TTL: variants seen among roughly 807,000 people sequenced by gnomAD.
TTL encodes the protein tubulin tyrosine ligase.
Under a neutral mutation model 41.1 loss-of-function variants are expected in TTL, and 10 were observed. That is an observed-to-expected ratio of 0.24 (90% CI 0.15 to 0.41). TTL has a LOEUF of 0.41. Among genes scored for constraint, TTL ranks in the 10% least tolerant of loss-of-function variants. The pLI is 1.00. For synonymous variants in TTL, 175 were observed against 175.5 expected (o/e 1.00, Z 0.02); for missense variants, 367 against 460.4 (o/e 0.80, Z 1.86).
intron 1 of TTL, chr2:112,483,358 C>T (rs999350531): frequency 2.6e-5 from 4 of 152,234 alleles, no homozygotes; most frequent in Non-Finnish European, 4.4e-5. Context: ...CAACTCACAT[C>T]CTATTGACCT....
At chr2:112,513,696 T>C (rs1404406572) in intron 5 of TTL, among the ~76,000 whole-genome samples, 10 of 150,702 alleles carry the variant, frequency 6.6e-5, no homozygotes, top group Non-Finnish European at 1.5e-4. Context: ...AATGCAAAAA[T>C]ACAAGCTATA....
At chr2:112,494,460 AATC>A in intron 3 of TTL, 85 bp downstream of exon 3, 2 of 1,078,598 alleles carry the variant, frequency 1.9e-6, no homozygotes, top group Non-Finnish European at 2.7e-6. Flanking sequence ...TTTTAATCTG[AATC>A]ATCGAAGGTT....
Position 112,536,057 on chromosome 2 carries a change from C to T in TTL, c.*7262C>T, listed in dbSNP as rs1407067809. ...CACTTCACATAACGATCTTCAGTTC[C>T]ATCCATGTTGTTGGAAGTGACAGGA... is the stretch of plus-strand genomic sequence containing the variant. On this transcript the variant is annotated 3_prime_UTR_variant, in exon 7 of 7. Transcript: ENST00000233336. 1 of 152,182 alleles carries T rather than the reference C, an allele frequency of 6.6e-6. No homozygotes were observed. The highest frequency in any genetic ancestry group is 1.5e-5 in the Non-Finnish European group (1 of 68,048). 9.4% of individuals were successfully genotyped at this position (152,182 alleles called of 1,614,324 possible).
chr2:112,525,110 A>G (rs1214600398), intron 6 of TTL, among the ~76,000 whole-genome samples: 1 of 151,992 alleles, frequency 6.6e-6, no homozygotes. Context: ...TAGATGTGTG[A>G]CATTATTTCT....
chr2:112,513,322 T>C (rs1027218032), intron 5 of TTL, among the ~76,000 whole-genome samples: 17 of 152,028 alleles, frequency 1.1e-4, no homozygotes, highest in Admixed American at 1.3e-4. Flanking sequence ...ACTACTTTTG[T>C]TTTTCCTTCA....
intron 3 of TTL, among the ~76,000 whole-genome samples, chr2:112,500,370 A>C (rs1681656536): frequency 6.6e-6 from 1 of 152,112 alleles, no homozygotes; most frequent in Non-Finnish European, 1.5e-5. Flanking sequence ...CAGAAGACCA[A>C]GACCATCCTG....
intron 4 of TTL, 114 bp from the exon 5 acceptor site, chr2:112,502,798 T>A: frequency 8.9e-7 from 1 of 1,120,636 alleles, no homozygotes; most frequent in Non-Finnish European, 1.3e-6. Context: ...CTTCCCTAGT[T>A]GCCTCCCACT....
rs1682697359 is a variant in TTL, at chr2:112,540,494, AAAT to A, written c.*11701_*11703del. The A allele has an allele frequency of 6.6e-6, 1 of 152,208 alleles. No individual in the cohort carries two copies. Among genetic ancestry groups the A allele is most frequent in the African/African-American group, 2.4e-5 (1 of 41,450 alleles). 9.4% of individuals were successfully genotyped at this position (152,208 alleles called of 1,614,324 possible). ...TAAGCTGACGCTAAAATCCATATTG[AAAT>A]ACAAAGGATCAAATAAATCTGGAGA... On this transcript the variant is annotated 3_prime_UTR_variant, in exon 7 of 7. Coordinates refer to ENST00000233336, the MANE Select transcript of TTL (RefSeq NM_153712.5).
In TTL at chr2:112,529,050, G is replaced by A. The variant is rs540774000; in HGVS notation, c.*255G>A. On this transcript the variant is annotated 3_prime_UTR_variant, in exon 7 of 7. Coordinates refer to ENST00000233336, the MANE Select transcript of TTL (RefSeq NM_153712.5). ...CTTTGGTACACAAAGGCAGCTTTGT[G>A]AGCAGAGCTCCTTCCCCTCTCCCCG... is the stretch of plus-strand genomic sequence containing the variant. 3 of 532,014 alleles carry A rather than the reference G, an allele frequency of 5.6e-6. No homozygotes were observed. In the South Asian group the frequency reaches 6.8e-5, roughly 12 times the overall value. 33.0% of individuals were successfully genotyped at this position (532,014 alleles called of 1,614,324 possible).
Position 112,482,247 on chromosome 2 carries a change from C to G in TTL, c.-98C>G. The G allele has an allele frequency of 3.3e-6, 3 of 908,220 alleles. No individual in the cohort carries two copies. Among genetic ancestry groups the G allele is most frequent in the Non-Finnish European group, 3.9e-6 (3 of 762,728 alleles). The allele number at this position is 908,220 out of a possible 1,614,324, so 56.3% of individuals were successfully genotyped here. On this transcript the variant is annotated 5_prime_UTR_variant, in exon 1 of 7. Coordinates refer to ENST00000233336, the MANE Select transcript of TTL (RefSeq NM_153712.5). This position sits in a 1 kb window ranked among gnomAD's most constrained non-coding sequence, Gnocchi z 5.3. Reference sequence around the variant, plus strand: ...CCGGCGCGGGCGGCGGGGGCCGGGCCGCGGCGGGCGCCCGGGCGGGGTCCG... The same window carrying G: ...CCGGCGCGGGCGGCGGGGGCCGGGCGGCGGCGGGCGCCCGGGCGGGGTCCG...
rs1682469388 is a variant in TTL, at chr2:112,529,987, A to G, written c.*1192A>G. The G allele has an allele frequency of 8.7e-6, 2 of 228,894 alleles. No individual in the cohort carries two copies. Among genetic ancestry groups the G allele is most frequent in the Non-Finnish European group, 1.7e-5 (2 of 115,368 alleles). The allele number at this position is 228,894 out of a possible 1,614,324, so 14.2% of individuals were successfully genotyped here. Reference sequence around the variant, plus strand: ...TACTTTATAGGCTTTTCAGGAGGCCACATCACTAGCAGTAGGGAGAACAAG... The same window carrying G: ...TACTTTATAGGCTTTTCAGGAGGCCGCATCACTAGCAGTAGGGAGAACAAG... On this transcript the variant is annotated 3_prime_UTR_variant, in exon 7 of 7. Coordinates refer to ENST00000233336, the MANE Select transcript of TTL (RefSeq NM_153712.5).
chr2:112,526,032 TA>T (rs201848242), intron 6 of TTL, among the ~76,000 whole-genome samples: 4,955 of 152,304 alleles, frequency 0.033, 269 homozygotes, highest in African/African-American at 0.11. Context: ...TTTCTGCATC[TA>T]TTGAGATAAT....
chr2:112,523,589 C>T (rs1456735402), intron 6 of TTL, among the ~76,000 whole-genome samples: 2 of 151,930 alleles, frequency 1.3e-5, no homozygotes, highest in African/African-American at 2.4e-5. Flanking sequence ...TGGTCCTTTT[C>T]CTGGGTAGGG....
In TTL at chr2:112,482,449, C is replaced by G. The variant is rs777208412; in HGVS notation, c.105C>G (p.Pro35=). The change falls in exon 1 of 7, where the codon CCC becomes CCG. Residue 35 remains proline (P), a synonymous_variant. Coordinates refer to ENST00000233336, the MANE Select transcript of TTL (RefSeq NM_153712.5). This position sits in a 1 kb window ranked among gnomAD's most constrained non-coding sequence, Gnocchi z 5.3. ...GGAAGAGGCTGCGGCGAGACAACCC[C>G]AGATTCAACCTGATGCTGGGAGAGA... The part of the protein sequence containing the change: ...GHWKRLRRDN[P]RFNLMLGERN... 6.2e-7 allele frequency: 1 copy of G among 1,611,438 alleles called. No individual in the cohort carries two copies. The highest frequency in any genetic ancestry group is 8.5e-7 in the Non-Finnish European group (1 of 1,178,934).
rs368240263 is a variant in TTL, at chr2:112,501,219, C to T, written c.483C>T (p.Leu161=). The T allele has an allele frequency of 1.2e-5, 20 of 1,611,632 alleles. 1 individual carries two copies. Among genetic ancestry groups the T allele is most frequent in the South Asian group, 3.3e-5 (3 of 90,594 alleles). ...SSAGAKGEGI[L]ISSEASELLD... ...TTTCCCTGTTAGGTGAAGGCATTCT[C>T]ATCTCCTCAGAGGCTTCAGAGCTTC... The change falls in exon 4 of 7, where the codon CTC becomes CTT. Residue 161 remains leucine (L), a synonymous_variant. Transcript: ENST00000233336.
In TTL at chr2:112,494,244, A is replaced by C. The variant is rs764491033; in HGVS notation, c.338A>C (p.Gln113Pro). The C allele has an allele frequency of 1.2e-6, 2 of 1,614,092 alleles. No homozygotes were observed. Among genetic ancestry groups the C allele is most frequent in the African/African-American group, 2.7e-5 (2 of 74,940 alleles). Residue 113 changes from glutamine (Q) to proline (P), a missense_variant, in exon 3 of 7, where the codon CAG becomes CCG. Transcript: ENST00000233336. ...CTCAAGACTCCAGTTGCTCCAGCAC[A>C]GAATGGAATTCAGCCACCAATCAGT... is the stretch of plus-strand genomic sequence containing the variant. ...TNLKTPVAPA[Q>P]NGIQPPISNS...
chr2:112,486,056 T>C, intron 2 of TTL, 61 bp downstream of exon 2: 1 of 1,520,302 alleles, frequency 6.6e-7, no homozygotes, highest in Non-Finnish European at 9.1e-7. Context: ...GGCAAAAATG[T>C]GGGGTTGTTT....
chr2:112,514,966 C>G (rs960453542), intron 5 of TTL, among the ~76,000 whole-genome samples: 1 of 152,148 alleles, frequency 6.6e-6, no homozygotes, highest in Non-Finnish European at 1.5e-5. Flanking sequence ...CTATTAAAAC[C>G]TGTTAACAAT....
chr2:112,489,407 C>T (rs1681323707), intron 2 of TTL, among the ~76,000 whole-genome samples: 1 of 152,162 alleles, frequency 6.6e-6, no homozygotes, highest in African/African-American at 2.4e-5. Flanking sequence ...TTTAATATTG[C>T]ACACACATTT....
Sources: gnomAD v4.1 joint callset for allele counts (sites outside exome capture counted in the v4.1 genomes callset) on GRCh38, gnomAD v4.1.1 for gene constraint, Gnocchi (gnomAD v3.1) non-coding constraint, MANE v1.5 for transcripts, NCBI Gene and HGNC (gene_info 2026-07-23, HGNC 2026-07-21) for gene names.